LOXHD1: variants seen among roughly 807,000 people sequenced by gnomAD.
LOXHD1 encodes lipoxygenase homology PLAT domains 1, also known as lipoxygenase homology domain-containing protein 1.
Under a neutral mutation model 248.2 loss-of-function variants are expected in LOXHD1, and 205 were observed. The ratio of observed to expected loss-of-function variants is 0.83; its 90% CI spans 0.74 to 0.93. LOXHD1 has a LOEUF of 0.93. Among genes scored for constraint, LOXHD1 ranks in the 40% least tolerant of loss-of-function variants. The pLI is 0.00. For synonymous variants in LOXHD1, 1,113 were observed against 1,162.8 expected (o/e 0.96, Z 0.87); for missense variants, 2,930 against 2,971.6 (o/e 0.99, Z 0.33).
chr18:46,550,267 A>AGGGATTTTTAAGAGTCAGCGTGT (rs1434120690), intron 21 of LOXHD1, among the ~76,000 whole-genome samples: 3 of 152,208 alleles, frequency 2.0e-5, no homozygotes, highest in Admixed American at 6.5e-5. Flanking sequence ...CTGGGCTGTA[A>AGGGATTTTTAAGAGTCAGCGTGT]GGGATTTTTA....
chr18:46,648,758 C>A (rs895454594), intron 2 of LOXHD1, among the ~76,000 whole-genome samples: 2 of 152,128 alleles, frequency 1.3e-5, no homozygotes, highest in East Asian at 3.9e-4. Flanking sequence ...CCTGGTGAGA[C>A]CTTGTATTTT....
intron 6 of LOXHD1, 91 bp downstream of exon 6, chr18:46,610,685 A>T (rs1190105598): frequency 1.1e-5 from 15 of 1,405,186 alleles, no homozygotes; most frequent in Non-Finnish European, 1.3e-5. Flanking sequence ...GGACCTAGAG[A>T]GGAAAGTTGG....
At chr18:46,625,800 C>A (rs866905945) in intron 4 of LOXHD1, among the ~76,000 whole-genome samples, 2 of 152,184 alleles carry the variant, frequency 1.3e-5, no homozygotes, top group Admixed American at 6.5e-5. Context: ...AGAGCTATTT[C>A]TACCTACCCT....
intron 38 of LOXHD1, among the ~76,000 whole-genome samples, chr18:46,488,196 C>T (rs1341088724): frequency 6.6e-6 from 1 of 152,154 alleles, no homozygotes; most frequent in Non-Finnish European, 1.5e-5. Flanking sequence ...GAGAGGAAGA[C>T]ATTGGCCCTG....
chr18:46,595,734 G>A (rs897502375), intron 8 of LOXHD1, among the ~76,000 whole-genome samples: 4 of 152,176 alleles, frequency 2.6e-5, no homozygotes, highest in African/African-American at 7.2e-5. Flanking sequence ...CAAAGTTGGA[G>A]AGCATCCTCG....
At chr18:46,570,944 C>T (rs2037739403) in intron 15 of LOXHD1, among the ~76,000 whole-genome samples, 2 of 152,208 alleles carry the variant, frequency 1.3e-5, no homozygotes, top group South Asian at 4.2e-4. Context: ...GCTTGCTGGA[C>T]TGGGAAGGAC....
intron 18 of LOXHD1, among the ~76,000 whole-genome samples, chr18:46,561,055 G>A (rs1009093386): frequency 1.1e-4 from 16 of 151,954 alleles, no homozygotes; most frequent in African/African-American, 3.6e-4. Flanking sequence ...TATAACTTTC[G>A]TAATAAGCAA....
chr18:46,643,078 G>A (rs1051688836), intron 2 of LOXHD1, among the ~76,000 whole-genome samples: 2 of 152,196 alleles, frequency 1.3e-5, no homozygotes, highest in Non-Finnish European at 2.9e-5. Flanking sequence ...GGTAATAGAC[G>A]GCTTTTAAGG....
At chr18:46,592,855 C>A (rs2038196968) in intron 10 of LOXHD1, among the ~76,000 whole-genome samples, 1 of 152,154 alleles carries the variant, frequency 6.6e-6, no homozygotes, top group South Asian at 2.1e-4. Flanking sequence ...GGGATTCAGA[C>A]TAAAGAAGAT....
Position 46,653,587 on chromosome 18 carries a change from C to A in LOXHD1, c.130+3317G>T, listed in dbSNP as rs568533337. 3.9e-5 allele frequency among the ~76,000 whole-genome samples: 6 copies of A among 152,308 alleles called. No individual in the cohort carries two copies. In the South Asian group the frequency reaches 1.2e-3, roughly 32 times the overall value. Reference sequence around the variant, plus strand: ...CCCACTAATAAAGTTTCCAAGTCAGCACAAACAATTGTCAATCTGTTGCTC... The same window carrying A: ...CCCACTAATAAAGTTTCCAAGTCAGAACAAACAATTGTCAATCTGTTGCTC... On this transcript the variant is annotated intron_variant, in intron 1 of 40. Transcript: ENST00000642948.
Position 46,560,145 on chromosome 18 carries a change from C to CG in LOXHD1, c.2998dup (p.Arg1000ProfsTer21). The CG allele has an allele frequency of 6.4e-7, 1 of 1,551,428 alleles. No homozygotes were observed. The highest frequency in any genetic ancestry group is 8.7e-7 in the Non-Finnish European group (1 of 1,146,896). Reference sequence around the variant, plus strand: ...GACAAGTTCGTTGTCCTCCTTGCCCCGGGCCAGCCAGCGGTGGGCTTCGAA... The same window carrying CG: ...GACAAGTTCGTTGTCCTCCTTGCCCCGGGGCCAGCCAGCGGTGGGCTTCGAA... On this transcript the variant is annotated frameshift_variant, in exon 19 of 41. Coordinates refer to ENST00000642948, the MANE Select transcript of LOXHD1 (RefSeq NM_001384474.1). LOFTEE classifies it high-confidence loss of function.
chr18:46,601,581 C>A, intron 7 of LOXHD1, 114 bp from the exon 8 acceptor site: 1 of 1,385,080 alleles, frequency 7.2e-7, no homozygotes, highest in Non-Finnish European at 1.0e-6. Context: ...CTCCACACAT[C>A]CTCTTTCCCC....
At chr18:46,537,510 G>A (rs752728692) in intron 26 of LOXHD1, among the ~76,000 whole-genome samples, 2 of 152,172 alleles carry the variant, frequency 1.3e-5, no homozygotes, top group African/African-American at 2.4e-5. Flanking sequence ...CAGGATCTGA[G>A]CTCTCCCCTT....
At chr18:46,502,614 G>A (rs1210777332) in intron 37 of LOXHD1, among the ~76,000 whole-genome samples, 2 of 152,166 alleles carry the variant, frequency 1.3e-5, no homozygotes, top group African/African-American at 4.8e-5. Flanking sequence ...GCCAGAGAAG[G>A]AGTCAGAACC....
At chr18:46,482,104 C>T (rs1274899404) in intron 40 of LOXHD1, among the ~76,000 whole-genome samples, 1 of 152,282 alleles carries the variant, frequency 6.6e-6, no homozygotes, top group African/African-American at 2.4e-5. Context: ...CTCATCAGTA[C>T]TGGTCCTAGC....
intron 14 of LOXHD1, among the ~76,000 whole-genome samples, chr18:46,575,060 T>C (rs567061394): frequency 1.4e-3 from 206 of 152,340 alleles, no homozygotes; most frequent in African/African-American, 4.3e-3. Flanking sequence ...TCTTATTCTC[T>C]GAATTCATTT....
At position 46,538,158 on chromosome 18, in the gene LOXHD1, C is replaced by T. The variant is rs537822646; in HGVS notation, c.4093G>A (p.Glu1365Lys). ...GACAGCCTGCTGAGCCCAAGTACCT[C>T]TACGATGAAGCGGGAGGCAGACTTC... ...ERKSASRFIVELEDVGEIIEK... is the reference protein window; with the variant it reads ...ERKSASRFIVKLEDVGEIIEK... Residue 1365 changes from glutamate to lysine, a missense_variant and splice_region_variant, in exon 26 of 41, where the codon GAG becomes AAG. Physicochemically the swap from Glu to Lys is moderately conservative, Grantham distance 56. Transcript: ENST00000642948. The T allele has an allele frequency of 4.6e-6, 7 of 1,531,772 alleles. No individual in the cohort carries two copies. The African/African-American group carries it at 9.6e-5, about 21-fold the overall frequency. 94.9% of individuals were successfully genotyped at this position (1,531,772 alleles called of 1,614,324 possible). A position where few individuals can be genotyped will look rare whatever the true frequency, so the allele number is the denominator to read the frequency against.
chr18:46,534,501 G>A (rs2036219402), intron 26 of LOXHD1, 50 bp from the exon 27 acceptor site: 4 of 1,416,556 alleles, frequency 2.8e-6, no homozygotes, highest in Non-Finnish European at 3.9e-6. Context: ...ATCCAGGAAA[G>A]TATGGCCTTG....
At chr18:46,610,406 G>A (rs1393311901) in intron 6 of LOXHD1, among the ~76,000 whole-genome samples, 1 of 151,698 alleles carries the variant, frequency 6.6e-6, no homozygotes, top group African/African-American at 2.4e-5. Flanking sequence ...GTCGGGGGCT[G>A]GGGGGCTGGG....
Sources: gnomAD v4.1 joint callset for allele counts (sites outside exome capture counted in the v4.1 genomes callset) on GRCh38, gnomAD v4.1.1 for gene constraint, MANE v1.5 for transcripts, NCBI Gene and HGNC (gene_info 2026-07-23, HGNC 2026-07-21) for gene names.